The following RDH12 variants were observed in gnomAD, a reference collection of about 807,000 sequenced individuals.
The protein encoded by RDH12 is retinol dehydrogenase 12.
RDH12 carries 21 observed loss-of-function variants against 34.0 expected under a neutral mutation model. The observed-to-expected ratio is 0.62, with a 90% CI of 0.44 to 0.89. The LOEUF (loss-of-function observed/expected upper bound fraction) is 0.89. Ranked by LOEUF, RDH12 falls within the 40% of genes least tolerant of loss-of-function variation. The pLI is 0.00. For missense variants in RDH12, 394 were observed against 398.6 expected (o/e 0.99, Z 0.10); for synonymous variants, 198 against 169.9 (o/e 1.17, Z -1.29).
chr14:67,718,766 G>C (rs2038093520), intron 1 of RDH12, among the ~76,000 whole-genome samples: 1 of 152,132 alleles, frequency 6.6e-6, no homozygotes, highest in Admixed American at 6.5e-5. Context: ...TGGCTTTTTT[G>C]ATGTTGATTA....
At chr14:67,711,880 T>C (rs562302166) in intron 1 of RDH12, among the ~76,000 whole-genome samples, 27 of 152,286 alleles carry the variant, frequency 1.8e-4, no homozygotes, top group South Asian at 8.3e-4. Context: ...AAATCTATCA[T>C]AGGATTGTAT....
At chr14:67,702,661 T>C (rs748115288) in intron 1 of RDH12, among the ~76,000 whole-genome samples, 13 of 152,230 alleles carry the variant, frequency 8.5e-5, no homozygotes, top group Non-Finnish European at 1.5e-4. Flanking sequence ...CATGTGAACT[T>C]GGAAAACCTT....
Position 67,722,574 on chromosome 14 carries a change from A to T in RDH12, c.-69A>T. ...GCCAAGAGCTGGAGCCAGACCAGGA[A>T]CCTGAGCCAGAGCTGGGGTTGAAGC... On this transcript the variant is annotated 5_prime_UTR_variant, in exon 3 of 9. Transcript: ENST00000551171. The T allele has an allele frequency of 7.4e-7, 1 of 1,346,988 alleles. No homozygotes were observed. The highest frequency in any genetic ancestry group is 1.4e-5 in the African/African-American group (1 of 69,932). The allele number at this position is 1,346,988 out of a possible 1,614,324, so 83.4% of individuals were successfully genotyped here. A position where few individuals can be genotyped will look rare whatever the true frequency, so the allele number is the denominator to read the frequency against.
chr14:67,727,951 G>A (rs1196024616), intron 7 of RDH12: 1 of 152,294 alleles, frequency 6.6e-6, no homozygotes, highest in Non-Finnish European at 1.5e-5. Context: ...AGGGAGTTAG[G>A]GCTGGATTTC....
chr14:67,726,848 A>G (rs1019014296), intron 6 of RDH12, 133 bp from the exon 7 acceptor site: 8 of 750,960 alleles, frequency 1.1e-5, no homozygotes, highest in Non-Finnish European at 1.9e-5. Context: ...ACTGACCATT[A>G]GAGTTACTCA....
intron 8 of RDH12, among the ~76,000 whole-genome samples, chr14:67,732,073 G>A (rs2038284056): frequency 6.8e-6 from 1 of 147,690 alleles, no homozygotes; most frequent in Admixed American, 6.9e-5. Context: ...GCTGCAGTAA[G>A]CCGAGATCAC....
intron 1 of RDH12, among the ~76,000 whole-genome samples, chr14:67,715,802 C>T (rs1475660308): frequency 6.6e-6 from 1 of 152,186 alleles, no homozygotes; most frequent in Non-Finnish European, 1.5e-5. Context: ...ACCATATTCA[C>T]CACTATTTAT....
intron 1 of RDH12, among the ~76,000 whole-genome samples, chr14:67,708,464 G>A (rs1015622061): frequency 1.3e-5 from 2 of 152,068 alleles, no homozygotes; most frequent in African/African-American, 4.8e-5. Context: ...ACCTTCTAAG[G>A]AGGACCAAAA....
At chr14:67,711,048 T>G (rs1455757480) in intron 1 of RDH12, among the ~76,000 whole-genome samples, 1 of 152,208 alleles carries the variant, frequency 6.6e-6, no homozygotes, top group Admixed American at 6.5e-5. Context: ...TTCCTGGGCA[T>G]AGGCCAAACA....
chr14:67,707,438 A>G (rs755069731), intron 1 of RDH12, among the ~76,000 whole-genome samples: 13 of 151,644 alleles, frequency 8.6e-5, no homozygotes, highest in Non-Finnish European at 1.8e-4. Context: ...GAATATATAT[A>G]TATTTTTTGA....
chr14:67,706,380 G>A (rs1404953286), intron 1 of RDH12: 1 of 152,244 alleles, frequency 6.6e-6, no homozygotes, highest in African/African-American at 2.4e-5. Flanking sequence ...TTGAGGACGT[G>A]TCCCCACGAC....
chr14:67,705,122 A>G (rs541929113), intron 1 of RDH12, among the ~76,000 whole-genome samples: 16 of 152,362 alleles, frequency 1.1e-4, no homozygotes, highest in African/African-American at 3.6e-4. Flanking sequence ...AGACACGCCA[A>G]TAAAGCTGGG....
intron 1 of RDH12, among the ~76,000 whole-genome samples, chr14:67,705,417 G>T (rs1354159835): frequency 2.0e-5 from 3 of 152,214 alleles, no homozygotes; most frequent in Non-Finnish European, 4.4e-5. Context: ...AGATTTGAGA[G>T]ACTCATCGTA....
intron 1 of RDH12, among the ~76,000 whole-genome samples, chr14:67,708,035 T>C (rs2037968579): frequency 6.6e-6 from 1 of 152,266 alleles, no homozygotes; most frequent in Non-Finnish European, 1.5e-5. Context: ...TGGAAACAGA[T>C]TCTTACTGCA....
intron 1 of RDH12, among the ~76,000 whole-genome samples, chr14:67,704,240 G>C (rs1045350512): frequency 1.3e-5 from 2 of 152,184 alleles, no homozygotes; most frequent in African/African-American, 2.4e-5. Flanking sequence ...TTCTGATTAC[G>C]GGGGTAGAAG....
chr14:67,724,819 C>A lies in RDH12; in HGVS notation c.187+228C>A, dbSNP rs61991868. On this transcript the variant is annotated intron_variant, in intron 4 of 8. Transcript: ENST00000551171. The stretch of plus-strand genomic sequence containing the variant: ...TTAAATAAAATAAGGAAAACGATGT[C>A]TGTGTATAGCCAAGTCAGTTATTCT... 5.4e-3 allele frequency among the ~76,000 whole-genome samples: 828 copies of A among 152,302 alleles called. 5 individuals are homozygous for A. Among genetic ancestry groups the A allele is most frequent in the East Asian group, 0.014 (71 of 5,188 alleles).
rs113090347 is a variant in RDH12, at chr14:67,726,735, G to C, written c.449-246G>C. On this transcript the variant is annotated intron_variant, in intron 6 of 8. Transcript: ENST00000551171. The stretch of plus-strand genomic sequence containing the variant: ...CAGAGTGGGAGTTGGAAGCCAGCAG[G>C]TGGGTCAAGGGCAGAGGTACAAAGT... 1.0e-3 allele frequency among the ~76,000 whole-genome samples: 156 copies of C among 152,338 alleles called. 2 individuals carry two copies. Among genetic ancestry groups the C allele is most frequent in the African/African-American group, 3.5e-3 (144 of 41,580 alleles).
intron 8 of RDH12, among the ~76,000 whole-genome samples, chr14:67,730,696 T>C (rs1482237823): frequency 6.6e-6 from 1 of 152,150 alleles, no homozygotes; most frequent in African/African-American, 2.4e-5. Flanking sequence ...TTCAGCCTCC[T>C]GGGTTCAAGC....
At chr14:67,722,989 T>G (rs1299551368) in intron 3 of RDH12, among the ~76,000 whole-genome samples, 1 of 152,180 alleles carries the variant, frequency 6.6e-6, no homozygotes, top group Admixed American at 6.5e-5. Context: ...GTCAAGTAGC[T>G]CAACAAACAC....
Sources: gnomAD v4.1 joint callset for allele counts (sites outside exome capture counted in the v4.1 genomes callset) on GRCh38, gnomAD v4.1.1 for gene constraint, MANE v1.5 for transcripts, NCBI Gene and HGNC (gene_info 2026-07-23, HGNC 2026-07-21) for gene names.